BIRC6: variants seen among roughly 807,000 people sequenced by gnomAD.
The protein encoded by BIRC6 is dual E2 ubiquitin-conjugating enzyme/E3 ubiquitin-protein ligase BIRC6.
In BIRC6, 98 loss-of-function variants were observed where a neutral mutation model predicts 503.3. The ratio of observed to expected loss-of-function variants is 0.19; its 90% CI spans 0.17 to 0.23. The LOEUF is 0.23. Among genes scored for constraint, BIRC6 ranks in the 10% least tolerant of loss-of-function variants. The probability of loss-of-function intolerance (pLI) is 1.00; values close to 1 mark genes in which losing one functional copy is unlikely to be tolerated. For synonymous variants in BIRC6, 2,240 were observed against 2,078.7 expected (o/e 1.08, Z -2.11); for missense variants, 5,360 against 5,806.0 (o/e 0.92, Z 2.50).
chr2:32,527,345 C>T (rs2056361185), intron 59 of BIRC6: 1 of 152,240 alleles, frequency 6.6e-6, no homozygotes, highest in Non-Finnish European at 1.5e-5. Flanking sequence ...CTAAAATTCT[C>T]AAAACTAATG....
chr2:32,442,571 A>G (rs2045543082), intron 19 of BIRC6, 116 bp downstream of exon 19: 1 of 1,198,390 alleles, frequency 8.3e-7, no homozygotes, highest in South Asian at 2.2e-5. Flanking sequence ...ATTTAAGAGA[A>G]TTTCAAAAGT....
intron 16 of BIRC6, 59 bp downstream of exon 16, chr2:32,439,745 T>A: frequency 1.4e-6 from 2 of 1,466,126 alleles, no homozygotes; most frequent in South Asian, 2.5e-5. Flanking sequence ...GGATCAGATT[T>A]AACACACTAT....
At chr2:32,586,423 CTTTTTTTT>C (rs972959083) in intron 66 of BIRC6, among the ~76,000 whole-genome samples, 15 of 70,976 alleles carry the variant, frequency 2.1e-4, no homozygotes, top group Admixed American at 1.2e-3. Context: ...TCAAGCAGTC[CTTTTTTTT>C]TTTTTTTTTT....
At chr2:32,404,042 C>G (rs981108845) in intron 8 of BIRC6, among the ~76,000 whole-genome samples, 5 of 151,418 alleles carry the variant, frequency 3.3e-5, no homozygotes, top group Middle Eastern at 3.4e-3. Context: ...ATTTTTCTGC[C>G]TTAGCCTCCT....
intron 10 of BIRC6, among the ~76,000 whole-genome samples, chr2:32,423,560 T>C (rs2043161620): frequency 6.6e-6 from 1 of 152,308 alleles, no homozygotes; most frequent in Non-Finnish European, 1.5e-5. Flanking sequence ...ATTTGTCCTT[T>C]TGTGTCTGGT....
chr2:32,519,849 C>T (rs558986113), intron 57 of BIRC6, among the ~76,000 whole-genome samples: 1 of 152,256 alleles, frequency 6.6e-6, no homozygotes, highest in South Asian at 2.1e-4. Flanking sequence ...GAGTGTATTG[C>T]CACTGTGAAA....
intron 1 of BIRC6, among the ~76,000 whole-genome samples, chr2:32,371,264 A>T (rs1372984270): frequency 6.6e-6 from 1 of 150,834 alleles, no homozygotes; most frequent in Non-Finnish European, 1.5e-5. Flanking sequence ...TTTAAAAGGG[A>T]CATACCTTAT....
At position 32,357,998 on chromosome 2, in the gene BIRC6, G is replaced by A. The variant is rs1367631764; in HGVS notation, c.325+512G>A. Among the ~76,000 whole-genome samples the A allele has an allele frequency of 7.2e-6, 1 of 139,608 alleles. No individual in the cohort carries two copies. The highest frequency in any genetic ancestry group is 2.6e-5 in the African/African-American group (1 of 38,688). 91.6% of individuals were successfully genotyped at this position (139,608 alleles called of 152,430 possible). A position where few individuals can be genotyped will look rare whatever the true frequency, so the allele number is the denominator to read the frequency against. ...CTGTTCTCAGGTCCCGCAGTGCGGG[G>A]GACAGACCGCGGGCTGTGCGCCCAG... On this transcript the variant is annotated intron_variant, in intron 1 of 73. Transcript: ENST00000421745. This position sits in a 1 kb window ranked among gnomAD's most constrained non-coding sequence, Gnocchi z 4.9.
At chr2:32,556,120 A>G (rs190032400) in intron 65 of BIRC6, among the ~76,000 whole-genome samples, 45 of 152,316 alleles carry the variant, frequency 3.0e-4, no homozygotes, top group African/African-American at 1.0e-3. Context: ...CAGAGTATCT[A>G]TAACGTAAGT....
At chr2:32,563,406 T>G (rs1376232157) in intron 65 of BIRC6, 2 of 152,134 alleles carry the variant, frequency 1.3e-5, no homozygotes, top group Non-Finnish European at 2.9e-5. Context: ...AGGGAAGGTT[T>G]TTTCTAAGGC....
intron 61 of BIRC6, among the ~76,000 whole-genome samples, chr2:32,540,541 A>G (rs931020816): frequency 6.6e-6 from 1 of 152,048 alleles, no homozygotes; most frequent in African/African-American, 2.4e-5. Flanking sequence ...GTTTTCATAT[A>G]CTTTTCAGTT....
At chr2:32,411,054 T>C (rs546475551) in intron 9 of BIRC6, among the ~76,000 whole-genome samples, 37 of 151,266 alleles carry the variant, frequency 2.4e-4, no homozygotes, top group African/African-American at 9.0e-4. Flanking sequence ...TTTTTTTTCT[T>C]TTAAGACGGA....
intron 1 of BIRC6, among the ~76,000 whole-genome samples, chr2:32,370,927 G>C (rs2035843812): frequency 6.6e-6 from 1 of 152,096 alleles, no homozygotes. Context: ...TAACATTTTT[G>C]CAAGTTTTTT....
At chr2:32,406,221 G>C (rs1049186083) in intron 8 of BIRC6, among the ~76,000 whole-genome samples, 3 of 151,974 alleles carry the variant, frequency 2.0e-5, no homozygotes, top group Non-Finnish European at 4.4e-5. Flanking sequence ...GTGAGACCCC[G>C]TCTCTGCAAA....
intron 22 of BIRC6, among the ~76,000 whole-genome samples, chr2:32,449,458 ATTTT>A (rs2046444265): frequency 3.9e-5 from 6 of 152,152 alleles, no homozygotes; most frequent in Non-Finnish European, 8.8e-5. Flanking sequence ...GCATGACACT[ATTTT>A]TATAATCTTT....
rs150679237 is a variant in BIRC6, at chr2:32,531,748, G to A, written c.12291+197G>A. On this transcript the variant is annotated intron_variant, in intron 61 of 73. Transcript: ENST00000421745. The stretch of plus-strand genomic sequence containing the variant: ...CTTCAGTAGGTATGGAAGAAATGTT[G>A]AAGATCAAGCACACTTGCCAGACTT... Among the ~76,000 whole-genome samples, 1,297 of 152,268 alleles carry A rather than the reference G, an allele frequency of 8.5e-3. 9 individuals carry two copies. The highest frequency in any genetic ancestry group is 0.02 in the Middle Eastern group (6 of 294).
intron 72 of BIRC6, among the ~76,000 whole-genome samples, chr2:32,611,052 TATCAAATCATGAGCTTG>T (rs1275048046): frequency 6.6e-6 from 1 of 151,796 alleles, no homozygotes; most frequent in Non-Finnish European, 1.5e-5. Flanking sequence ...CAACACGTCA[TATCAAATCATGAGCTTG>T]ATTTTTCCCT....
At chr2:32,425,561 C>T (rs952559119) in intron 10 of BIRC6, among the ~76,000 whole-genome samples, 11 of 151,792 alleles carry the variant, frequency 7.2e-5, no homozygotes, top group Non-Finnish European at 1.2e-4. Flanking sequence ...CTTATTCTCT[C>T]ACTCTGGGAG....
At chr2:32,525,122 A>T in intron 58 of BIRC6, 103 bp downstream of exon 58, 1 of 1,045,718 alleles carries the variant, frequency 9.6e-7, no homozygotes, top group Non-Finnish European at 1.3e-6. Context: ...CTAATATAAA[A>T]AGCTGACTCG....
Sources: gnomAD v4.1 joint callset for allele counts (sites outside exome capture counted in the v4.1 genomes callset) on GRCh38, gnomAD v4.1.1 for gene constraint, Gnocchi (gnomAD v3.1) non-coding constraint, MANE v1.5 for transcripts, NCBI Gene and HGNC (gene_info 2026-07-23, HGNC 2026-07-21) for gene names.